The following DNAH8 variants were observed in gnomAD, a reference collection of about 807,000 sequenced individuals.
The protein encoded by DNAH8 is axonemal beta dynein heavy chain 8.
A neutral mutation model predicts 562.1 loss-of-function variants in DNAH8; 382 were observed. That is an observed-to-expected ratio of 0.68 (90% confidence interval 0.63 to 0.74). The LOEUF (loss-of-function observed/expected upper bound fraction) is 0.74. Among genes scored for constraint, DNAH8 ranks in the 30% least tolerant of loss-of-function variants. The pLI is 0.00. For synonymous variants in DNAH8, 1,881 were observed against 1,919.4 expected (o/e 0.98, Z 0.52); for missense variants, 5,203 against 5,620.4 (o/e 0.93, Z 2.37).
chr6:38,717,570 T>A (rs1762434716), intron 1 of DNAH8, among the ~76,000 whole-genome samples: 1 of 151,548 alleles, frequency 6.6e-6, no homozygotes, highest in African/African-American at 2.4e-5. Flanking sequence ...AGCTCAGGAG[T>A]TTGTATGTTA....
chr6:38,817,098 T>C (rs143539903), intron 26 of DNAH8, among the ~76,000 whole-genome samples: 107 of 152,256 alleles, frequency 7.0e-4, no homozygotes, highest in African/African-American at 2.5e-3. Flanking sequence ...ATCCCAACAT[T>C]TTGGGAGGCC....
At chr6:38,777,623 G>C (rs1429895635) in intron 13 of DNAH8, among the ~76,000 whole-genome samples, 2 of 152,164 alleles carry the variant, frequency 1.3e-5, no homozygotes, top group East Asian at 3.9e-4. Flanking sequence ...TATAGAGACG[G>C]GTTCTTGCTA....
chr6:38,758,297 A>C (rs1241569354), intron 10 of DNAH8, among the ~76,000 whole-genome samples: 1 of 151,724 alleles, frequency 6.6e-6, no homozygotes, highest in Non-Finnish European at 1.5e-5. Flanking sequence ...GCAATTGTGA[A>C]TGGGAGTTCA....
intron 84 of DNAH8, 72 bp downstream of exon 84, chr6:38,973,885 G>A (rs1342725875): frequency 3.0e-6 from 4 of 1,318,020 alleles, no homozygotes; most frequent in Non-Finnish European, 4.2e-6. Context: ...GTTGAAAGAT[G>A]GGAACACAAC....
At chr6:38,754,710 G>A (rs1419333885) in intron 9 of DNAH8, among the ~76,000 whole-genome samples, 2 of 152,102 alleles carry the variant, frequency 1.3e-5, no homozygotes. Flanking sequence ...GTAACTTACA[G>A]CTGTTGGATC....
Position 38,812,523 on chromosome 6 carries a change from G to A in DNAH8, c.3258-1531G>A, listed in dbSNP as rs1472956447. ...TGGGATCAGAATCCCTTTCTGTCAC[G>A]CTCTACAGAGGCTGCTCCATTGGCT... On this transcript the variant is annotated intron_variant, in intron 24 of 92. Coordinates refer to ENST00000327475, the MANE Select transcript of DNAH8 (RefSeq NM_001206927.2). Among the ~76,000 whole-genome samples, 3 of 152,300 alleles carry A rather than the reference G, an allele frequency of 2.0e-5. No homozygotes were observed. The East Asian group carries it at 5.8e-4, about 29-fold the overall frequency.
intron 57 of DNAH8, among the ~76,000 whole-genome samples, chr6:38,889,446 C>A (rs1030848735): frequency 3.3e-5 from 5 of 152,106 alleles, no homozygotes; most frequent in South Asian, 2.1e-4. Flanking sequence ...GATGAACGTA[C>A]AAGGGCTTCT....
intron 31 of DNAH8, among the ~76,000 whole-genome samples, chr6:38,834,301 T>G (rs1312690745): frequency 3.3e-5 from 5 of 152,230 alleles, no homozygotes; most frequent in African/African-American, 9.6e-5. Flanking sequence ...GATAGAGTGA[T>G]GAAAATGTTC....
chr6:38,915,887 CATGTATATATATGTGG>C (rs1781278881), intron 68 of DNAH8, among the ~76,000 whole-genome samples: 1 of 151,730 alleles, frequency 6.6e-6, no homozygotes, highest in Admixed American at 6.6e-5. Flanking sequence ...CATATATGTG[CATGTATATATATGTGG>C]ATATATACAC....
chr6:38,948,932 A>G (rs1331502101), intron 80 of DNAH8, among the ~76,000 whole-genome samples: 1 of 152,090 alleles, frequency 6.6e-6, no homozygotes, highest in Non-Finnish European at 1.5e-5. Context: ...TTAAGTAGAG[A>G]TCAACATTTA....
chr6:38,991,878 G>T (rs563268333), intron 88 of DNAH8, among the ~76,000 whole-genome samples: 11 of 152,214 alleles, frequency 7.2e-5, no homozygotes, highest in Admixed American at 7.2e-4. Context: ...GCTATTTAAA[G>T]ATTGCAACCC....
In DNAH8 at chr6:38,875,732, G is replaced by A. The variant is rs1351314682; in HGVS notation, c.7762G>A (p.Glu2588Lys). 1 of 1,613,976 alleles carries A rather than the reference G, an allele frequency of 6.2e-7. No individual in the cohort carries two copies. Among genetic ancestry groups the A allele is most frequent in the South Asian group, 1.1e-5 (1 of 91,084 alleles). ...GGAATTAGAAAGCAGAGAAAAGCTT[G>A]AAGCCTTCTTACGGCAGCATGAAAG... ...LLELESREKL[E>K]AFLRQHESKL... Residue 2588 changes from glutamate (E) to lysine (K), a missense_variant, in exon 53 of 93, where the codon GAA (glutamate) becomes AAA (lysine). Glu to Lys is a moderately conservative substitution (Grantham distance 56). This residue lies in a region of DNAH8 where 977 missense variants were observed against 1,061.8 expected (regional missense o/e 0.92). Transcript: ENST00000327475.
chr6:38,927,265 G>A (rs992516555), intron 74 of DNAH8, among the ~76,000 whole-genome samples: 2 of 152,180 alleles, frequency 1.3e-5, no homozygotes, highest in African/African-American at 4.8e-5. Context: ...TAATTAGATA[G>A]TTTCTTTTTA....
intron 18 of DNAH8, among the ~76,000 whole-genome samples, chr6:38,787,409 G>A (rs149540206): frequency 6.6e-6 from 1 of 152,054 alleles, no homozygotes; most frequent in African/African-American, 2.4e-5. Flanking sequence ...CTAACAAAAT[G>A]AAAATGGTAG....
rs568577965 is a variant in DNAH8, at chr6:38,938,685, C to A, written c.11817-113C>A. The A allele has an allele frequency of 8.5e-6, 6 of 702,140 alleles. No homozygotes were observed. In the African/African-American group the frequency reaches 9.0e-5, roughly 11 times the overall value. 43.5% of individuals were successfully genotyped at this position (702,140 alleles called of 1,614,324 possible). ...TGATGAATTAATCTGTGCAACAAAC[C>A]ACCATGACATAGGTTTACCGACGTA... On this transcript the variant is annotated intron_variant, in intron 78 of 92. Transcript: ENST00000327475.
At chr6:38,850,475 T>G in intron 38 of DNAH8, 61 bp downstream of exon 38, 7 of 1,456,508 alleles carry the variant, frequency 4.8e-6, no homozygotes, top group African/African-American at 1.4e-5. Context: ...TATCCCAAAC[T>G]TACTAGTATT....
chr6:38,917,895 G>A, intron 69 of DNAH8, 30 bp from the exon 70 acceptor site: 3 of 1,517,972 alleles, frequency 2.0e-6, no homozygotes, highest in Non-Finnish European at 2.7e-6. Flanking sequence ...TTTTCTTCCA[G>A]AACTTACAGG....
intron 18 of DNAH8, 140 bp from the exon 19 acceptor site, chr6:38,789,663 G>A (rs1031972247): frequency 5.1e-5 from 30 of 589,208 alleles, no homozygotes; most frequent in Admixed American, 4.5e-4. Context: ...TGGTAAATCA[G>A]CATAAGTTTA....
chr6:38,984,381 T>C lies in DNAH8; in HGVS notation c.13053+74T>C, dbSNP rs1764231261. On this transcript the variant is annotated intron_variant, in intron 87 of 92. Transcript: ENST00000327475. ...TTCCAATTTTTTTGTTTGTAATAGGTCTGCCAAACTCAAGCATACAGCAGA... is the reference window on the plus strand; with the variant it reads ...TTCCAATTTTTTTGTTTGTAATAGGCCTGCCAAACTCAAGCATACAGCAGA... 4.5e-6 allele frequency: 4 copies of C among 888,948 alleles called. No individual in the cohort carries two copies. In the East Asian group the frequency reaches 1.0e-4, roughly 23 times the overall value. The allele number at this position is 888,948 out of a possible 1,614,324, so 55.1% of individuals were successfully genotyped here. A position where few individuals can be genotyped will look rare whatever the true frequency, so the allele number is the denominator to read the frequency against.
Sources: gnomAD v4.1 joint callset for allele counts (sites outside exome capture counted in the v4.1 genomes callset) on GRCh38, gnomAD v4.1.1 for gene constraint, gnomAD v4.1.1 regional missense constraint, MANE v1.5 for transcripts, NCBI Gene and HGNC (gene_info 2026-07-23, HGNC 2026-07-21) for gene names.